IMPG1: variants seen among roughly 807,000 people sequenced by gnomAD.
The protein encoded by IMPG1 is interphotoreceptor matrix proteoglycan of 150 kDa.
IMPG1 carries 85 observed loss-of-function variants against 92.0 expected under a neutral mutation model. That is an observed-to-expected ratio of 0.92 (90% CI 0.78 to 1.11). IMPG1 has a LOEUF of 1.11. Ranked by LOEUF, IMPG1 falls within the 50% of genes least tolerant of loss-of-function variation. The probability of loss-of-function intolerance (pLI) is 0.00; values close to 1 mark genes in which losing one functional copy is unlikely to be tolerated. For synonymous variants in IMPG1, 367 were observed against 334.1 expected (o/e 1.10, Z -1.08); for missense variants, 1,022 against 956.0 (o/e 1.07, Z -0.91).
At chr6:76,057,862 G>A (rs930240087) in intron 1 of IMPG1, among the ~76,000 whole-genome samples, 1 of 152,022 alleles carries the variant, frequency 6.6e-6, no homozygotes, top group Non-Finnish European at 1.5e-5. Flanking sequence ...ATCTTTCCAA[G>A]TCACTACTAG....
chr6:75,963,722 C>G (rs1490526969), intron 12 of IMPG1, among the ~76,000 whole-genome samples: 1 of 152,164 alleles, frequency 6.6e-6, no homozygotes, highest in Non-Finnish European at 1.5e-5. Flanking sequence ...CCTGTTATCC[C>G]CCACTCCCCA....
At chr6:75,970,388 C>T (rs1047984177) in intron 12 of IMPG1, among the ~76,000 whole-genome samples, 1 of 151,554 alleles carries the variant, frequency 6.6e-6, no homozygotes, top group Non-Finnish European at 1.5e-5. Flanking sequence ...GGCCATTTTT[C>T]CAGTCTAATT....
chr6:76,021,374 A>C (rs1049912022), intron 6 of IMPG1, among the ~76,000 whole-genome samples: 1 of 152,192 alleles, frequency 6.6e-6, no homozygotes, highest in Non-Finnish European at 1.5e-5. Context: ...ACAACCTTGG[A>C]CACATGCTCT....
intron 12 of IMPG1, among the ~76,000 whole-genome samples, chr6:75,973,572 T>C (rs930653198): frequency 3.3e-5 from 5 of 152,202 alleles, no homozygotes; most frequent in African/African-American, 4.8e-5. Flanking sequence ...GAATAAGTAC[T>C]ATTATCATTT....
chr6:75,982,902 T>C (rs570034761), intron 12 of IMPG1, among the ~76,000 whole-genome samples: 1 of 152,154 alleles, frequency 6.6e-6, no homozygotes, highest in Admixed American at 6.5e-5. Context: ...TCATTATCAT[T>C]AACATCCATT....
intron 1 of IMPG1, among the ~76,000 whole-genome samples, chr6:76,054,562 T>C (rs1280550451): frequency 1.3e-5 from 2 of 152,134 alleles, no homozygotes; most frequent in African/African-American, 4.8e-5. Flanking sequence ...AAAAAAGTTA[T>C]AATAGAAGAA....
chr6:76,070,459 T>G (rs1784387602), intron 1 of IMPG1, among the ~76,000 whole-genome samples: 1 of 152,190 alleles, frequency 6.6e-6, no homozygotes, highest in Non-Finnish European at 1.5e-5. Context: ...GCAATCCCAC[T>G]GCTGGGTATC....
intron 12 of IMPG1, among the ~76,000 whole-genome samples, chr6:76,001,201 A>T (rs185726807): frequency 8.5e-5 from 13 of 152,374 alleles, no homozygotes; most frequent in African/African-American, 3.1e-4. Flanking sequence ...TCATAGATAT[A>T]CTATTATTTT....
intron 1 of IMPG1, among the ~76,000 whole-genome samples, chr6:76,065,137 T>C (rs1330868169): frequency 1.3e-5 from 2 of 151,972 alleles, no homozygotes; most frequent in Admixed American, 1.3e-4. Flanking sequence ...AAGAGGTAGT[T>C]TATGCAGATA....
chr6:76,022,667 A>G (rs2149483925), intron 5 of IMPG1, among the ~76,000 whole-genome samples: 1 of 152,362 alleles, frequency 6.6e-6, no homozygotes, highest in South Asian at 2.1e-4. Context: ...AGAACATTTA[A>G]GATGCTATGA....
At chr6:76,024,191 G>A (rs941569641) in intron 5 of IMPG1, among the ~76,000 whole-genome samples, 5 of 152,086 alleles carry the variant, frequency 3.3e-5, no homozygotes, top group African/African-American at 1.2e-4. Context: ...TGAAATATAG[G>A]CACAGCCGGC....
rs1237509925 is a variant in IMPG1, at chr6:75,922,057, T to C, written c.*32A>G. The C allele has an allele frequency of 1.0e-6, 1 of 954,234 alleles. No individual in the cohort carries two copies. Among genetic ancestry groups the C allele is most frequent in the Non-Finnish European group, 1.7e-6 (1 of 601,822 alleles). 59.1% of individuals were successfully genotyped at this position (954,234 alleles called of 1,614,324 possible). On this transcript the variant is annotated 3_prime_UTR_variant, in exon 17 of 17. Transcript: ENST00000369950. ...AGAAGGCAAATCATCTCTCTTGAGATAGCCTAAATGATAATTGTACATTTT... is the reference window on the plus strand; with the variant it reads ...AGAAGGCAAATCATCTCTCTTGAGACAGCCTAAATGATAATTGTACATTTT...
intron 1 of IMPG1, among the ~76,000 whole-genome samples, chr6:76,061,349 C>A (rs1784202117): frequency 6.6e-6 from 1 of 152,332 alleles, no homozygotes; most frequent in South Asian, 2.1e-4. Context: ...TTGAATGACA[C>A]TGACTTGAGA....
chr6:75,923,600 G>A (rs1258766774), intron 16 of IMPG1, 34 bp downstream of exon 16: 1 of 1,011,730 alleles, frequency 9.9e-7, no homozygotes, highest in Non-Finnish European at 1.6e-6. Context: ...GTCAAGTTTA[G>A]TAATTGCAAC....
At chr6:75,962,523 C>G (rs1313897383) in intron 12 of IMPG1, among the ~76,000 whole-genome samples, 1 of 152,030 alleles carries the variant, frequency 6.6e-6, no homozygotes, top group African/African-American at 2.4e-5. Context: ...TTCCACAGAA[C>G]AGGAGAATAA....
At chr6:75,946,614 C>T (rs1295943014) in intron 14 of IMPG1, among the ~76,000 whole-genome samples, 3 of 152,192 alleles carry the variant, frequency 2.0e-5, no homozygotes, top group Admixed American at 2.0e-4. Flanking sequence ...ATGGTGCACA[C>T]TCTTTGCTTT....
chr6:76,007,187 G>A (rs1783112679), intron 9 of IMPG1, among the ~76,000 whole-genome samples: 1 of 152,114 alleles, frequency 6.6e-6, no homozygotes, highest in South Asian at 2.1e-4. Flanking sequence ...AATTATGCTT[G>A]CAGCACAGAT....
intron 12 of IMPG1, among the ~76,000 whole-genome samples, chr6:75,972,439 C>A (rs1196019852): frequency 1.3e-5 from 2 of 151,924 alleles, no homozygotes; most frequent in African/African-American, 4.8e-5. Context: ...ATCCTCTCTC[C>A]CCTTTTTTTT....
intron 14 of IMPG1, among the ~76,000 whole-genome samples, chr6:75,934,661 T>C (rs996198725): frequency 2.6e-5 from 4 of 152,192 alleles, no homozygotes; most frequent in African/African-American, 9.6e-5. Flanking sequence ...CTGCCTCTTT[T>C]TCAAGCCTCT....
Sources: gnomAD v4.1 joint callset for allele counts (sites outside exome capture counted in the v4.1 genomes callset) on GRCh38, gnomAD v4.1.1 for gene constraint, MANE v1.5 for transcripts, NCBI Gene and HGNC (gene_info 2026-07-23, HGNC 2026-07-21) for gene names.